Variants in FHIP1B observed in about 807,000 individuals in gnomAD.
The protein encoded by FHIP1B is FHF complex subunit HOOK-interacting protein 1B.
FHIP1B carries 28 observed loss-of-function variants against 82.2 expected under a neutral mutation model. The ratio of observed to expected loss-of-function variants is 0.34; its 90% CI spans 0.25 to 0.47. The LOEUF is 0.47. Among genes scored for constraint, FHIP1B ranks in the 20% least tolerant of loss-of-function variants. The pLI is 1.00. For synonymous variants in FHIP1B, 585 were observed against 516.1 expected, an observed-to-expected ratio of 1.13 and a Z score of -1.81; for missense variants, 1,110 against 1,262.6, an observed-to-expected ratio of 0.88 and a Z score of 1.83.
At chr11:6,213,827 C>G (rs1327528713) in intron 11 of FHIP1B, among the ~76,000 whole-genome samples, 1 of 152,032 alleles carries the variant, frequency 6.6e-6, no homozygotes, top group African/African-American at 2.4e-5. Flanking sequence ...CTTCCTGACT[C>G]TTTTCTCCTA....
chr11:6,215,776 C>T (rs1847209743), intron 9 of FHIP1B, among the ~76,000 whole-genome samples: 1 of 152,212 alleles, frequency 6.6e-6, no homozygotes, highest in East Asian at 1.9e-4. Flanking sequence ...AGCAGTAGGC[C>T]TCTATAACCA....
At chr11:6,220,852 A>T (rs1032534689) in intron 6 of FHIP1B, among the ~76,000 whole-genome samples, 1 of 152,248 alleles carries the variant, frequency 6.6e-6, no homozygotes, top group Non-Finnish European at 1.5e-5. Flanking sequence ...AAACATGAAC[A>T]GGACAATATG....
At chr11:6,231,573 C>G (rs1847700105) in intron 1 of FHIP1B, among the ~76,000 whole-genome samples, 1 of 150,870 alleles carries the variant, frequency 6.6e-6, no homozygotes, top group South Asian at 2.1e-4. Context: ...CAGGCTCAAG[C>G]AATCCTCCCA....
chr11:6,225,125 C>T (rs968757708), intron 1 of FHIP1B, among the ~76,000 whole-genome samples: 3 of 152,166 alleles, frequency 2.0e-5, no homozygotes, highest in Non-Finnish European at 2.9e-5. Flanking sequence ...TTTTTAAAAC[C>T]TAAATTATAT....
Position 6,223,845 on chromosome 11 carries a change from C to G in FHIP1B, c.542G>C (p.Ser181Thr). 6.2e-7 allele frequency: 1 copy of G among 1,614,230 alleles called. No individual in the cohort carries two copies. Among genetic ancestry groups the G allele is most frequent in the Non-Finnish European group, 8.5e-7 (1 of 1,180,028 alleles). Residue 181 changes from serine to threonine, a missense_variant, in exon 3 of 12, where the codon AGC becomes ACC. Ser to Thr is a moderately conservative substitution (Grantham distance 58). Coordinates refer to ENST00000449352, the MANE Select transcript of FHIP1B (RefSeq NM_001098794.2). The surrounding 1 kb of genome is among the most constrained non-coding windows in gnomAD (Gnocchi z 4.8). ...ALDEGLVLLLSQLCVCVAQEP... is the reference protein window; with the variant it reads ...ALDEGLVLLLTQLCVCVAQEP... The stretch of plus-strand genomic sequence containing the variant: ...CTGGGCCACACAAACACACAGCTGG[C>G]TGAGAAGTAGCACCAAGCCTTCATC...
intron 9 of FHIP1B, chr11:6,216,487 A>G (rs1197936871): frequency 6.5e-6 from 1 of 153,780 alleles, no homozygotes; most frequent in Non-Finnish European, 1.4e-5. Context: ...AGGTATGCCT[A>G]ATCCAAGGCC....
chr11:6,218,299 C>T, intron 8 of FHIP1B, 149 bp from the exon 9 acceptor site: 6 of 1,204,720 alleles, frequency 5.0e-6, no homozygotes, highest in Non-Finnish European at 6.8e-6. Context: ...CCTAATTAAC[C>T]TTATCCTCAT....
chr11:6,211,577 G>A lies in FHIP1B; in HGVS notation c.2848C>T (p.Pro950Ser). The change falls in exon 12 of 12, where the codon CCT becomes TCT. Residue 950 changes from proline (P) to serine (S), a missense_variant. Physicochemically the swap from Pro to Ser is moderately conservative, Grantham distance 74. This residue lies in a region of FHIP1B where 10 missense variants were observed against 33.2 expected (regional missense o/e 0.30). Transcript: ENST00000449352. Reference protein sequence around the residue: ...AISQAHAVTSPFLLETSEEGS... With the variant: ...AISQAHAVTSSFLLETSEEGS... Reference sequence around the variant, plus strand: ...TCCTCTGAAGTCTCCAACAAGAAAGGCGAGGTGACGGCATGAGCCTGGGAG... The same window carrying A: ...TCCTCTGAAGTCTCCAACAAGAAAGACGAGGTGACGGCATGAGCCTGGGAG... 6.2e-7 allele frequency: 1 copy of A among 1,614,200 alleles called. No individual in the cohort carries two copies. The highest frequency in any genetic ancestry group is 8.5e-7 in the Non-Finnish European group (1 of 1,180,026).
rs1441341145 is a variant in FHIP1B at position 6,211,433 on chromosome 11, C to T, written c.*73G>A. 4 of 1,498,298 alleles carry T rather than the reference C, an allele frequency of 2.7e-6. No homozygotes were observed. The highest frequency in any genetic ancestry group is 4.9e-5 in the Admixed American group (2 of 40,498). The allele number at this position is 1,498,298 out of a possible 1,614,324, so 92.8% of individuals were successfully genotyped here. A position where few individuals can be genotyped will look rare whatever the true frequency, so the allele number is the denominator to read the frequency against. ...TAAAAAGTCCTTTTGCCACTGCCTC[C>T]AAACATAAAAAGGAGCCTGTGCCCT... On this transcript the variant is annotated 3_prime_UTR_variant, in exon 12 of 12. Coordinates refer to ENST00000449352, the MANE Select transcript of FHIP1B (RefSeq NM_001098794.2).
chr11:6,211,498 G>GA lies in FHIP1B; in HGVS notation c.*7dup. 1.3e-6 allele frequency: 2 copies of GA among 1,572,140 alleles called. No homozygotes were observed. The highest frequency in any genetic ancestry group is 1.7e-6 in the Non-Finnish European group (2 of 1,162,648). On this transcript the variant is annotated 3_prime_UTR_variant, in exon 12 of 12. Transcript: ENST00000449352. Reference sequence around the variant, plus strand: ...CCACCCATGGCCCTGATTGTCCATGGAAGAAAGTTAAGGATTGAGGGGCCC... The same window carrying GA: ...CCACCCATGGCCCTGATTGTCCATGGAAAGAAAGTTAAGGATTGAGGGGCCC...
At chr11:6,219,900 A>G (rs1440956287) in intron 6 of FHIP1B, among the ~76,000 whole-genome samples, 1 of 152,220 alleles carries the variant, frequency 6.6e-6, no homozygotes, top group African/African-American at 2.4e-5. Flanking sequence ...AAAGTCAACC[A>G]CACAGCAAGA....
At chr11:6,214,103 C>T (rs1485845806) in intron 11 of FHIP1B, among the ~76,000 whole-genome samples, 1 of 143,670 alleles carries the variant, frequency 7.0e-6, no homozygotes, top group Non-Finnish European at 1.5e-5. Context: ...CTACCCATCT[C>T]TCAAGGCCCA....
chr11:6,230,300 G>A (rs1043564959), intron 1 of FHIP1B, among the ~76,000 whole-genome samples: 4 of 152,178 alleles, frequency 2.6e-5, no homozygotes, highest in Non-Finnish European at 5.9e-5. Flanking sequence ...TCCAAGAACA[G>A]GTCAGTAAAA....
chr11:6,218,032 G>C lies in FHIP1B; in HGVS notation c.1554C>G (p.Gly518=). 6.2e-7 allele frequency: 1 copy of C among 1,613,530 alleles called. No homozygotes were observed. The highest frequency in any genetic ancestry group is 8.5e-7 in the Non-Finnish European group (1 of 1,179,778). The stretch of plus-strand genomic sequence containing the variant: ...AAAGCCCTGGTGAGCAAGGGGCTGG[G>C]CCTGGAGACTCAGAGCCACCCAGGC... The part of the protein sequence containing the change: ...QQSLGGSESP[G]PAPCSPGLSA... Residue 518 remains glycine (G), a synonymous_variant, in exon 9 of 12, where the codon GGC becomes GGG. Transcript: ENST00000449352.
At chr11:6,225,771 G>A (rs1847548292) in intron 1 of FHIP1B, among the ~76,000 whole-genome samples, 2 of 152,140 alleles carry the variant, frequency 1.3e-5, no homozygotes, top group African/African-American at 4.8e-5. Flanking sequence ...TGACCTATGG[G>A]AGATGAGCAA....
chr11:6,234,309 C>A (rs915715204), intron 1 of FHIP1B, among the ~76,000 whole-genome samples: 6 of 152,056 alleles, frequency 3.9e-5, no homozygotes, highest in African/African-American at 1.4e-4. Flanking sequence ...CCTAGTAAAC[C>A]GCGTTCAGGA....
intron 2 of FHIP1B, 28 bp from the exon 3 acceptor site, chr11:6,224,276 G>A: frequency 6.2e-7 from 1 of 1,613,170 alleles, no homozygotes; most frequent in Non-Finnish European, 8.5e-7. Flanking sequence ...AAGATGGAAG[G>A]AATCTAAATT....
At chr11:6,230,951 A>AT (rs1847681465) in intron 1 of FHIP1B, among the ~76,000 whole-genome samples, 1 of 152,232 alleles carries the variant, frequency 6.6e-6, no homozygotes, top group South Asian at 2.1e-4. Context: ...CTGAAGCTAA[A>AT]TGATGCCATA....
At chr11:6,231,340 A>G (rs920721199) in intron 1 of FHIP1B, among the ~76,000 whole-genome samples, 1 of 152,028 alleles carries the variant, frequency 6.6e-6, no homozygotes, top group Non-Finnish European at 1.5e-5. Flanking sequence ...AAGACTATGA[A>G]TTCTGTTTTG....
Sources: gnomAD v4.1 joint callset for allele counts (sites outside exome capture counted in the v4.1 genomes callset) on GRCh38, gnomAD v4.1.1 for gene constraint, gnomAD v4.1.1 regional missense constraint, Gnocchi (gnomAD v3.1) non-coding constraint, MANE v1.5 for transcripts, NCBI Gene and HGNC (gene_info 2026-07-23, HGNC 2026-07-21) for gene names.